Variants in SPIN1 observed in about 807,000 individuals in gnomAD.
SPIN1 encodes the protein spindlin-1.
SPIN1 carries 3 observed loss-of-function variants against 26.0 expected under a neutral mutation model. The ratio of observed to expected loss-of-function variants is 0.12; its 90% CI spans 0.05 to 0.30. The LOEUF is 0.30. SPIN1 is among the 10% of genes least tolerant of loss of function. SPIN1 has a pLI of 1.00. For missense variants in SPIN1, 126 were observed against 333.4 expected (o/e 0.38, Z 4.84); for synonymous variants, 101 against 116.5 (o/e 0.87, Z 0.86).
chr9:88,403,541 T>C (rs1204033269), intron 1 of SPIN1, among the ~76,000 whole-genome samples: 2 of 152,094 alleles, frequency 1.3e-5, no homozygotes, highest in Admixed American at 1.3e-4. Flanking sequence ...AGACCCCATC[T>C]CTACAGAAAA....
chr9:88,423,926 C>T (rs919388850), intron 1 of SPIN1, among the ~76,000 whole-genome samples: 4 of 151,932 alleles, frequency 2.6e-5, no homozygotes, highest in Non-Finnish European at 5.9e-5. Context: ...CCACCATGTT[C>T]GGCTAATTTT....
rs747606376 is a variant in SPIN1, at chr9:88,475,167, A to G, written c.679A>G (p.Lys227Glu). The part of the protein sequence containing the change: ...QVEYAKEDGS[K>E]RTGMVIHQVE... ...GGAATATGCCAAAGAAGATGGCTCG[A>G]AAAGGACTGGCATGGTCATTCATCA... The change falls in exon 6 of 6, where the codon AAA becomes GAA. Residue 227 changes from lysine (K) to glutamate (E), a missense_variant. Physicochemically the swap from Lys to Glu is moderately conservative, Grantham distance 56 (BLOSUM62 1). Transcript: ENST00000375859. 1.2e-6 allele frequency: 2 copies of G among 1,613,780 alleles called. No individual in the cohort carries two copies. The highest frequency in any genetic ancestry group is 1.7e-6 in the Non-Finnish European group (2 of 1,179,992).
At chr9:88,471,021 A>G (rs1289330825) in intron 5 of SPIN1, among the ~76,000 whole-genome samples, 1 of 152,090 alleles carries the variant, frequency 6.6e-6, no homozygotes, top group Middle Eastern at 3.2e-3. Context: ...TTTATCAGAT[A>G]TATGTTGCAA....
chr9:88,473,167 C>T (rs534128169), intron 5 of SPIN1, among the ~76,000 whole-genome samples: 5 of 152,106 alleles, frequency 3.3e-5, no homozygotes, highest in Non-Finnish European at 7.4e-5. Context: ...CCGAGGCGGG[C>T]GGATCACCTG....
intron 2 of SPIN1, among the ~76,000 whole-genome samples, chr9:88,435,887 T>C (rs1165228716): frequency 2.0e-5 from 3 of 152,176 alleles, no homozygotes; most frequent in African/African-American, 7.2e-5. Context: ...GTTTCTCAGA[T>C]CCTATGTGTT....
intron 2 of SPIN1, among the ~76,000 whole-genome samples, chr9:88,436,520 C>G (rs752264900): frequency 9.9e-5 from 15 of 152,092 alleles, no homozygotes; most frequent in Non-Finnish European, 2.2e-4. Flanking sequence ...CACCCAAAGT[C>G]CATAGTTTAC....
At chr9:88,409,094 C>T (rs999347811) in intron 1 of SPIN1, among the ~76,000 whole-genome samples, 3 of 151,768 alleles carry the variant, frequency 2.0e-5, no homozygotes, top group African/African-American at 7.3e-5. Context: ...CTCCTGGGTT[C>T]AAGAGATTCT....
At chr9:88,433,437 C>A (rs1327720552) in intron 2 of SPIN1, among the ~76,000 whole-genome samples, 1 of 152,052 alleles carries the variant, frequency 6.6e-6, no homozygotes, top group Non-Finnish European at 1.5e-5. Flanking sequence ...TGACGAGTTT[C>A]TTTGTGTCTC....
intron 5 of SPIN1, among the ~76,000 whole-genome samples, chr9:88,471,489 C>A (rs2118228866): frequency 6.6e-6 from 1 of 151,464 alleles, no homozygotes; most frequent in East Asian, 2.0e-4. Context: ...ACGGGGAAAC[C>A]CTGTCTCTAC....
At chr9:88,434,008 A>G (rs1052844332) in intron 2 of SPIN1, among the ~76,000 whole-genome samples, 3 of 152,086 alleles carry the variant, frequency 2.0e-5, no homozygotes, top group Admixed American at 1.3e-4. Context: ...CCAAGAACCT[A>G]TCGATAGTTA....
chr9:88,439,473 T>A (rs1319292181), intron 2 of SPIN1, among the ~76,000 whole-genome samples: 1 of 152,206 alleles, frequency 6.6e-6, no homozygotes, highest in African/African-American at 2.4e-5. Flanking sequence ...ATATGAAACA[T>A]AAATAAATTT....
chr9:88,413,899 C>T (rs190954083), intron 1 of SPIN1, among the ~76,000 whole-genome samples: 4 of 152,202 alleles, frequency 2.6e-5, no homozygotes, highest in South Asian at 4.1e-4. Context: ...CTGCAAACTT[C>T]GGGGGCTCCC....
chr9:88,400,134 A>G (rs935526177), intron 1 of SPIN1, among the ~76,000 whole-genome samples: 2 of 152,188 alleles, frequency 1.3e-5, no homozygotes, highest in Non-Finnish European at 2.9e-5. Flanking sequence ...CCAGCACGGT[A>G]CTGTCTTCCT....
At chr9:88,435,291 C>T (rs1827978254) in intron 2 of SPIN1, among the ~76,000 whole-genome samples, 1 of 151,680 alleles carries the variant, frequency 6.6e-6, no homozygotes, top group Non-Finnish European at 1.5e-5. Flanking sequence ...TCATGGTTCA[C>T]TGCAGCCTCG....
intron 1 of SPIN1, chr9:88,419,029 A>G (rs908601553): frequency 6.6e-6 from 1 of 152,240 alleles, no homozygotes; most frequent in African/African-American, 2.4e-5. Context: ...ATTTAAGTTC[A>G]TGACACATTT....
intron 2 of SPIN1, among the ~76,000 whole-genome samples, chr9:88,441,078 G>GA (rs1266679888): frequency 8.6e-5 from 13 of 151,918 alleles, no homozygotes; most frequent in African/African-American, 3.2e-4. Context: ...AACACAGATT[G>GA]AAAATATCCA....
chr9:88,472,082 A>G (rs1308224492), intron 5 of SPIN1, among the ~76,000 whole-genome samples: 1 of 152,054 alleles, frequency 6.6e-6, no homozygotes, highest in African/African-American at 2.4e-5. Context: ...TACAGGTGTA[A>G]GCCACTGCAC....
intron 1 of SPIN1, among the ~76,000 whole-genome samples, chr9:88,397,253 A>G (rs537938706): frequency 1.3e-5 from 2 of 152,200 alleles, no homozygotes; most frequent in East Asian, 1.9e-4. Context: ...ACAGCCTCAT[A>G]ATATGGATCC....
intron 1 of SPIN1, among the ~76,000 whole-genome samples, chr9:88,411,640 A>G (rs761307801): frequency 2.0e-5 from 3 of 151,892 alleles, no homozygotes; most frequent in Admixed American, 1.3e-4. Flanking sequence ...CAGCCTCCCT[A>G]GTAGCCGGGA....
Sources: gnomAD v4.1 joint callset for allele counts (sites outside exome capture counted in the v4.1 genomes callset) on GRCh38, gnomAD v4.1.1 for gene constraint, MANE v1.5 for transcripts, NCBI Gene and HGNC (gene_info 2026-07-23, HGNC 2026-07-21) for gene names.